FRG1: variants seen among roughly 807,000 people sequenced by gnomAD.
FRG1 encodes the protein FSHD region gene 1, also known as protein FRG1.
Under a neutral mutation model 37.0 loss-of-function variants are expected in FRG1, and 19 were observed. The observed-to-expected ratio is 0.51, with a 90% CI of 0.36 to 0.75. The LOEUF (loss-of-function observed/expected upper bound fraction) is 0.75, where lower values mean the gene tolerates loss of function less well. Among genes scored for constraint, FRG1 ranks in the 30% least tolerant of loss-of-function variants. The probability of loss-of-function intolerance (pLI) is 0.00; values close to 1 mark genes in which losing one functional copy is unlikely to be tolerated. For synonymous variants in FRG1, 73 were observed against 96.5 expected, an observed-to-expected ratio of 0.76 and a Z score of 1.43; for missense variants, 243 against 301.4, an observed-to-expected ratio of 0.81 and a Z score of 1.44.
intron 2 of FRG1, among the ~76,000 whole-genome samples, chr4:189,946,808 G>A (rs1488457461): frequency 2.6e-5 from 4 of 152,088 alleles, no homozygotes; most frequent in East Asian, 1.9e-4. Flanking sequence ...ATGTAGACTT[G>A]AATGTGTATT....
Position 189,940,908 on chromosome 4 carries a change from A to G in FRG1, c.-102A>G, listed in dbSNP as rs1736248238. ...AGACGTAGGCTGTCAGGGAGTGTTT[A>G]TTTCGCGTCCGCTTCTGTTTCTCCG... On this transcript the variant is annotated 5_prime_UTR_variant, in exon 1 of 9. Transcript: ENST00000226798. The G allele has an allele frequency of 5.9e-6, 5 of 854,292 alleles. No individual in the cohort carries two copies. The South Asian group carries it at 6.2e-5, about 11-fold the overall frequency. The allele number at this position is 854,292 out of a possible 1,614,324, so 52.9% of individuals were successfully genotyped here.
At chr4:189,954,231 C>G (rs893390434) in intron 4 of FRG1, among the ~76,000 whole-genome samples, 2 of 151,914 alleles carry the variant, frequency 1.3e-5, no homozygotes, top group Non-Finnish European at 2.9e-5. Flanking sequence ...TGATACAAAA[C>G]ATACTCTGTT....
chr4:189,942,857 T>C (rs1736376814), intron 1 of FRG1, among the ~76,000 whole-genome samples: 2 of 152,206 alleles, frequency 1.3e-5, no homozygotes, highest in Admixed American at 1.3e-4. Context: ...ATCCTCACAA[T>C]AGCCTTAAGA....
At chr4:189,948,038 T>C (rs1197143599) in intron 2 of FRG1, among the ~76,000 whole-genome samples, 1 of 152,214 alleles carries the variant, frequency 6.6e-6, no homozygotes, top group African/African-American at 2.4e-5. Context: ...AGTTTTCTCG[T>C]TGGTCATGGT....
intron 2 of FRG1, among the ~76,000 whole-genome samples, chr4:189,945,159 T>TTTGC (rs1736472775): frequency 6.6e-6 from 1 of 152,244 alleles, no homozygotes; most frequent in Non-Finnish European, 1.5e-5. Context: ...CTTCTAGTGG[T>TTTGC]TTGCTTATAT....
In FRG1 at chr4:189,960,761, C is replaced by T; in HGVS notation, c.551C>T (p.Ala184Val). Residue 184 changes from alanine (A) to valine (V), a missense_variant, in exon 7 of 9, where the codon GCT becomes GTT. Coordinates refer to ENST00000226798, the MANE Select transcript of FRG1 (RefSeq NM_004477.3). ...TCCAATATCTAGATTAGATCCTGTGCTGAAAGAGAAACCAAGAAAAAAGAT... is the reference window on the plus strand; with the variant it reads ...TCCAATATCTAGATTAGATCCTGTGTTGAAAGAGAAACCAAGAAAAAAGAT... The part of the protein sequence containing the change: ...EEEMIKIRSC[A>V]ERETKKKDDI... 3 of 1,606,270 alleles carry T rather than the reference C, an allele frequency of 1.9e-6. No homozygotes were observed. Among genetic ancestry groups the T allele is most frequent in the Non-Finnish European group, 2.5e-6 (3 of 1,176,704 alleles).
At chr4:189,960,609 A>C (rs1446117624) in intron 6 of FRG1, 139 bp from the exon 7 acceptor site, 1 of 999,986 alleles carries the variant, frequency 1.0e-6, no homozygotes, top group Non-Finnish European at 1.4e-6. Flanking sequence ...CATAGCCAGA[A>C]CCTTTTTCTG....
At chr4:189,942,221 AT>A (rs1283701838) in intron 1 of FRG1, among the ~76,000 whole-genome samples, 3 of 152,044 alleles carry the variant, frequency 2.0e-5, no homozygotes, top group Non-Finnish European at 4.4e-5. Context: ...TTGGTTTTTT[AT>A]TTTTTTATTG....
intron 1 of FRG1, among the ~76,000 whole-genome samples, chr4:189,942,374 A>G (rs1736347868): frequency 6.6e-6 from 1 of 152,164 alleles, no homozygotes; most frequent in Non-Finnish European, 1.5e-5. Flanking sequence ...TAAAGCAGTC[A>G]CATCCCATCC....
rs538463757 is a variant in FRG1 at position 189,953,872 on chromosome 4, T to G, written c.317+747T>G. On this transcript the variant is annotated intron_variant, in intron 4 of 8. Transcript: ENST00000226798. Reference sequence around the variant, plus strand: ...AGAGGAAGAAAAAATTCAATAGTTTTAAACTGCTTTACAATTATAAACAAA... The same window carrying G: ...AGAGGAAGAAAAAATTCAATAGTTTGAAACTGCTTTACAATTATAAACAAA... Among the ~76,000 whole-genome samples, 200 of 152,260 alleles carry G rather than the reference T, an allele frequency of 1.3e-3. 1 individual carries two copies. Among genetic ancestry groups the G allele is most frequent in the African/African-American group, 4.7e-3 (196 of 41,572 alleles).
intron 6 of FRG1, among the ~76,000 whole-genome samples, chr4:189,958,180 C>A (rs1737070286): frequency 6.6e-6 from 1 of 151,928 alleles, no homozygotes. Flanking sequence ...CAGGGATGTA[C>A]CTTAATTTAT....
At chr4:189,953,733 A>T (rs1736860894) in intron 4 of FRG1, among the ~76,000 whole-genome samples, 1 of 151,960 alleles carries the variant, frequency 6.6e-6, no homozygotes, top group Non-Finnish European at 1.5e-5. Context: ...ATCCCAGGAG[A>T]TTCTCGGTAA....
At chr4:189,945,489 C>T (rs1736489623) in intron 2 of FRG1, among the ~76,000 whole-genome samples, 1 of 152,172 alleles carries the variant, frequency 6.6e-6, no homozygotes, top group Non-Finnish European at 1.5e-5. Context: ...ATGCCTCTTT[C>T]TGTATCTGTT....
intron 2 of FRG1, among the ~76,000 whole-genome samples, chr4:189,948,088 C>T (rs950987790): frequency 1.3e-5 from 2 of 152,180 alleles, no homozygotes; most frequent in Admixed American, 1.3e-4. Context: ...GGAAGTCCTT[C>T]TGCGTCTTTT....
intron 4 of FRG1, among the ~76,000 whole-genome samples, 187 bp from the exon 5 acceptor site, chr4:189,954,850 T>C (rs548485183): frequency 1.4e-4 from 21 of 152,178 alleles, no homozygotes; most frequent in Admixed American, 1.2e-3. Flanking sequence ...CCCGTTGGCT[T>C]CCCAAAGCAC....
At chr4:189,962,556 AC>A (rs1217041762) in intron 8 of FRG1, among the ~76,000 whole-genome samples, 3 of 150,966 alleles carry the variant, frequency 2.0e-5, no homozygotes, top group Admixed American at 6.6e-5. Flanking sequence ...AGTTACTCTT[AC>A]CCTTTTTTTT....
intron 2 of FRG1, among the ~76,000 whole-genome samples, chr4:189,944,368 G>C (rs1443164140): frequency 6.6e-6 from 1 of 151,986 alleles, no homozygotes; most frequent in Non-Finnish European, 1.5e-5. Context: ...AGTAGCAACA[G>C]GGTTTCACCA....
At position 189,953,901 on chromosome 4, in the gene FRG1, G is replaced by A. The variant is rs565668369; in HGVS notation, c.317+776G>A. ...CTGCTTTACAATTATAAACAAAAAA[G>A]GATTATAAAGAAAATTAACTGACAA... On this transcript the variant is annotated intron_variant, in intron 4 of 8. Transcript: ENST00000226798. Among the ~76,000 whole-genome samples the A allele has an allele frequency of 2.2e-4, 33 of 152,012 alleles. No individual in the cohort carries two copies. The East Asian group carries it at 6.0e-3, about 28-fold the overall frequency.
chr4:189,951,752 A>G (rs1259318228), intron 2 of FRG1, among the ~76,000 whole-genome samples: 1 of 151,968 alleles, frequency 6.6e-6, no homozygotes, highest in Non-Finnish European at 1.5e-5. Context: ...TATAACGTTG[A>G]ACTCTGGGCT....
Sources: gnomAD v4.1 joint callset for allele counts (sites outside exome capture counted in the v4.1 genomes callset) on GRCh38, gnomAD v4.1.1 for gene constraint, MANE v1.5 for transcripts, NCBI Gene and HGNC (gene_info 2026-07-23, HGNC 2026-07-21) for gene names.